The following SCML4 variants were observed in gnomAD, a reference collection of about 807,000 sequenced individuals.
The protein encoded by SCML4 is sex comb on midleg-like protein 4.
In SCML4, 34 loss-of-function variants were observed where a neutral mutation model predicts 41.1. The ratio of observed to expected loss-of-function variants is 0.83; its 90% confidence interval spans 0.63 to 1.10. The LOEUF (loss-of-function observed/expected upper bound fraction) is 1.10, where lower values mean the gene tolerates loss of function less well. SCML4 is among the 50% of genes least tolerant of loss of function. SCML4 has a pLI of 0.00. For missense variants in SCML4, 522 were observed against 534.1 expected (o/e 0.98, Z 0.22); for synonymous variants, 214 against 220.9 (o/e 0.97, Z 0.28).
At chr6:107,841,934 G>A in the SCML4 span, among the ~76,000 whole-genome samples, 3 of 152,088 alleles carry the variant, frequency 2.0e-5, no homozygotes, top group Admixed American at 2.0e-4. Flanking sequence ...ATTGATGTAG[G>A]CCTTTTATTA....
chr6:107,722,641 T>C (rs1775543087), intron 5 of SCML4, among the ~76,000 whole-genome samples: 1 of 152,254 alleles, frequency 6.6e-6, no homozygotes, highest in Non-Finnish European at 1.5e-5. Flanking sequence ...GATCCAAATG[T>C]CTTCTCCATA....
intron 6 of SCML4, among the ~76,000 whole-genome samples, chr6:107,718,274 G>C (rs754437283): frequency 3.3e-5 from 5 of 152,158 alleles, no homozygotes; most frequent in African/African-American, 1.2e-4. Context: ...TAAGTCTCAC[G>C]ACATCTGATG....
intron 2 of SCML4, among the ~76,000 whole-genome samples, chr6:107,767,814 T>C (rs1780185684): frequency 1.3e-5 from 2 of 152,098 alleles, no homozygotes; most frequent in Non-Finnish European, 1.5e-5. Context: ...GGAATGCAAA[T>C]TGTAATGGAT....
chr6:107,753,461 T>TG (rs1778855834), intron 2 of SCML4, among the ~76,000 whole-genome samples: 1 of 152,036 alleles, frequency 6.6e-6, no homozygotes, highest in African/African-American at 2.4e-5. Flanking sequence ...TGCCAGGAAC[T>TG]GGGGGAAGGT....
Position 107,703,249 on chromosome 6 carries a change from T to C in SCML4, c.*1951A>G, listed in dbSNP as rs775272186. 3.9e-4 allele frequency among the ~76,000 whole-genome samples: 60 copies of C among 152,196 alleles called. No individual in the cohort carries two copies. The highest frequency in any genetic ancestry group is 7.6e-4 in the Non-Finnish European group (52 of 68,028). On this transcript the variant is annotated 3_prime_UTR_variant, in exon 8 of 8. Coordinates refer to ENST00000369020, the MANE Select transcript of SCML4 (RefSeq NM_198081.5). ...TAATAAACTTGCTTTCACTTTACTT[T>C]ATGGACTCACCCTGAATTCTTTCTT...
intron 5 of SCML4, among the ~76,000 whole-genome samples, chr6:107,727,263 G>A (rs898978881): frequency 1.3e-5 from 2 of 152,134 alleles, no homozygotes; most frequent in East Asian, 1.9e-4. Context: ...TGGGGTGTGG[G>A]GTGGGTAATA....
At chr6:107,764,283 G>T (rs1562232899) in intron 2 of SCML4, among the ~76,000 whole-genome samples, 1 of 152,186 alleles carries the variant, frequency 6.6e-6, no homozygotes, top group Non-Finnish European at 1.5e-5. Context: ...GTACCTTTTG[G>T]CCTTGAGGCC....
chr6:107,816,336 C>T (rs1583666716), intron 1 of SCML4, among the ~76,000 whole-genome samples: 1 of 152,208 alleles, frequency 6.6e-6, no homozygotes, highest in African/African-American at 2.4e-5. Context: ...TTACAAAGCC[C>T]TTTTCCACAT....
intron 1 of SCML4, among the ~76,000 whole-genome samples, chr6:107,777,808 G>A (rs1562247755): frequency 6.6e-6 from 1 of 152,062 alleles, no homozygotes; most frequent in Non-Finnish European, 1.5e-5. Context: ...CCCCACAGGT[G>A]GCAGCTGGGC....
At chr6:107,712,053 GTTA>G (rs1209747879) in intron 6 of SCML4, among the ~76,000 whole-genome samples, 1 of 152,090 alleles carries the variant, frequency 6.6e-6, no homozygotes, top group African/African-American at 2.4e-5. Flanking sequence ...CTGGGAATCT[GTTA>G]ATGCACCCTG....
chr6:107,734,688 A>C (rs1367660909), intron 5 of SCML4, among the ~76,000 whole-genome samples: 1 of 152,154 alleles, frequency 6.6e-6, no homozygotes, highest in African/African-American at 2.4e-5. Flanking sequence ...GCTTTTCCTA[A>C]ATGAATTTAC....
At chr6:107,820,560 C>G (rs1784871738) in intron 1 of SCML4, among the ~76,000 whole-genome samples, 1 of 152,218 alleles carries the variant, frequency 6.6e-6, no homozygotes, top group Admixed American at 6.5e-5. Context: ...GCCCAAAGCA[C>G]TTCTTCAAGT....
At chr6:107,762,985 C>T (rs866654111) in intron 2 of SCML4, among the ~76,000 whole-genome samples, 9 of 143,742 alleles carry the variant, frequency 6.3e-5, no homozygotes, top group African/African-American at 1.8e-4. Context: ...TGGGCTCAAG[C>T]AATCCTTCCA....
chr6:107,810,508 G>A (rs1784079473), intron 1 of SCML4, among the ~76,000 whole-genome samples: 1 of 152,168 alleles, frequency 6.6e-6, no homozygotes, highest in South Asian at 2.1e-4. Flanking sequence ...GGGATCTGGA[G>A]ACATCAGATC....
chr6:107,808,578 GC>G (rs1583645424), intron 1 of SCML4, among the ~76,000 whole-genome samples: 2 of 152,082 alleles, frequency 1.3e-5, no homozygotes, highest in African/African-American at 4.8e-5. Context: ...AGCCTAGAGT[GC>G]TGTCTTGAAG....
chr6:107,716,969 C>T (rs1024026146), intron 6 of SCML4, among the ~76,000 whole-genome samples: 1 of 151,754 alleles, frequency 6.6e-6, no homozygotes, highest in Admixed American at 6.6e-5. Context: ...CTGGTACCTG[C>T]GGTTTTATTT....
In SCML4 at chr6:107,711,178, T is replaced by A. The variant is rs1190179412; in HGVS notation, c.974-3167A>T. 5.1e-4 allele frequency among the ~76,000 whole-genome samples: 5 copies of A among 9,882 alleles called. 2 individuals are homozygous for A. The highest frequency in any genetic ancestry group is 2.2e-3 in the African/African-American group (5 of 2,294). The allele number at this position is 9,882 out of a possible 152,430, so 6.5% of individuals were successfully genotyped here. A position where few individuals can be genotyped will look rare whatever the true frequency, so the allele number is the denominator to read the frequency against. ...GCTAGGACCAACCAAAACCTGAGTC[T>A]TAACTGCCTGCTCTATAAAAACAAA... On this transcript the variant is annotated intron_variant, in intron 6 of 7. Transcript: ENST00000369020.
At chr6:107,747,113 T>C (rs997148477) in intron 3 of SCML4, among the ~76,000 whole-genome samples, 3 of 152,174 alleles carry the variant, frequency 2.0e-5, no homozygotes, top group Non-Finnish European at 4.4e-5. Flanking sequence ...GCTTTCTTGG[T>C]TGGAAACAGT....
intron 6 of SCML4, chr6:107,720,450 G>A: frequency 4.2e-6 from 5 of 1,182,122 alleles, no homozygotes; most frequent in Non-Finnish European, 5.2e-6. Flanking sequence ...TGGTATTTGA[G>A]CCTGTGTACA....
Sources: allele counts gnomAD v4.1 joint callset (sites outside exome capture counted in the v4.1 genomes callset), GRCh38; gene constraint gnomAD v4.1.1; transcripts MANE v1.5; gene names NCBI Gene and HGNC (gene_info 2026-07-23, HGNC 2026-07-21).